The following PARD3B variants were observed in gnomAD, a reference collection of about 807,000 sequenced individuals.
PARD3B encodes par-3 family cell polarity regulator beta.
Under a neutral mutation model 130.2 loss-of-function variants are expected in PARD3B, and 103 were observed. The observed-to-expected ratio is 0.79, with a 90% confidence interval of 0.67 to 0.93. The LOEUF is 0.93. Among genes scored for constraint, PARD3B ranks in the 40% least tolerant of loss-of-function variants. The pLI is 0.00. For missense variants in PARD3B, 1,609 were observed against 1,499.2 expected (o/e 1.07, Z -1.21); for synonymous variants, 583 against 553.2 (o/e 1.05, Z -0.76).
At chr2:204,720,276 G>A (rs1417447173) in intron 2 of PARD3B, among the ~76,000 whole-genome samples, 7 of 152,188 alleles carry the variant, frequency 4.6e-5, no homozygotes, top group African/African-American at 9.6e-5. Context: ...CTGTTGCCAC[G>A]TGAGAATCCT....
intron 20 of PARD3B, among the ~76,000 whole-genome samples, chr2:205,462,195 G>A (rs754047865): frequency 2.0e-5 from 3 of 152,116 alleles, no homozygotes; most frequent in Non-Finnish European, 4.4e-5. Flanking sequence ...CATTCTCTTG[G>A]AATACAGCCC....
intron 20 of PARD3B, among the ~76,000 whole-genome samples, 156 bp from the exon 21 acceptor site, chr2:205,499,740 A>G (rs141083976): frequency 6.6e-6 from 1 of 152,264 alleles, no homozygotes; most frequent in East Asian, 1.9e-4. Context: ...CTTTTTGTTC[A>G]TATTTATGAC....
rs1448734769 is a variant in PARD3B at position 205,113,392 on chromosome 2, GGGT to G, written c.594-97_594-95del. ...TATTAGTTGATATAATCCTGAGCAGGGGTGTGTGTGTGTGTGTGTGTGTGTGTG... is the reference window on the plus strand; with the variant it reads ...TATTAGTTGATATAATCCTGAGCAGGGTGTGTGTGTGTGTGTGTGTGTGTG... On this transcript the variant is annotated intron_variant, in intron 5 of 22. Transcript: ENST00000406610. 265 of 546,254 alleles carry G rather than the reference GGGT, an allele frequency of 4.9e-4. 4 individuals are homozygous for G. The highest frequency in any genetic ancestry group is 3.0e-3 in the East Asian group (92 of 30,778). 33.8% of individuals were successfully genotyped at this position (546,254 alleles called of 1,614,324 possible). A position where few individuals can be genotyped will look rare whatever the true frequency, so the allele number is the denominator to read the frequency against.
At chr2:204,622,187 T>C (rs1483981945) in intron 1 of PARD3B, among the ~76,000 whole-genome samples, 1 of 152,220 alleles carries the variant, frequency 6.6e-6, no homozygotes, top group Non-Finnish European at 1.5e-5. Context: ...CTCATTGTGC[T>C]GTCTTTCCAG....
Position 204,828,245 on chromosome 2 carries a change from G to T in PARD3B, c.223-136907G>T, listed in dbSNP as rs574698268. Among the ~76,000 whole-genome samples the T allele has an allele frequency of 9.2e-5, 14 of 152,162 alleles. No homozygotes were observed. In the East Asian group the frequency reaches 2.7e-3, roughly 29 times the overall value. On this transcript the variant is annotated intron_variant, in intron 2 of 22. Transcript: ENST00000406610. ...CTTTCTTGAAATTTCCTCTTCTCTT[G>T]AATTCTGCCATATTTCATTTTCTTC...
chr2:204,926,148 G>A (rs1687600399), intron 2 of PARD3B, among the ~76,000 whole-genome samples: 1 of 152,044 alleles, frequency 6.6e-6, no homozygotes, highest in South Asian at 2.1e-4. Context: ...GGCTTTGGTA[G>A]TGAGCACTAG....
intron 18 of PARD3B, among the ~76,000 whole-genome samples, chr2:205,329,214 A>C (rs1209789500): frequency 6.6e-6 from 1 of 152,134 alleles, no homozygotes; most frequent in Non-Finnish European, 1.5e-5. Flanking sequence ...TTATATCACT[A>C]GTTATTTTTC....
chr2:204,997,408 C>G (rs894870521), intron 3 of PARD3B, among the ~76,000 whole-genome samples: 3 of 152,200 alleles, frequency 2.0e-5, no homozygotes, highest in South Asian at 2.1e-4. Flanking sequence ...TTATTTACAA[C>G]TTCTTTATTG....
intron 15 of PARD3B, among the ~76,000 whole-genome samples, chr2:205,204,315 ATTTG>A (rs1367879680): frequency 3.3e-5 from 5 of 152,056 alleles, no homozygotes; most frequent in African/African-American, 1.2e-4. Context: ...TTACTTGTAA[ATTTG>A]TTTAAGTTCC....
chr2:205,129,184 T>G (rs1251357092), intron 10 of PARD3B, among the ~76,000 whole-genome samples: 2 of 152,226 alleles, frequency 1.3e-5, no homozygotes, highest in African/African-American at 4.8e-5. Context: ...TTTGTCACCA[T>G]AGCAAAGCAA....
chr2:204,794,538 C>T (rs2042304530), intron 2 of PARD3B, among the ~76,000 whole-genome samples: 2 of 152,052 alleles, frequency 1.3e-5, no homozygotes, highest in Non-Finnish European at 2.9e-5. Flanking sequence ...TTCCAGCCTA[C>T]CAATGTGGTG....
chr2:205,113,520 G>A lies in PARD3B; in HGVS notation c.623G>A (p.Gly208Glu), dbSNP rs749035427. Residue 208 changes from glycine (G) to glutamate (E), a missense_variant, in exon 6 of 23, where the codon GGG (glycine) becomes GAG (glutamate). By Grantham distance (98) the Gly-to-Glu change is moderately conservative. Coordinates refer to ENST00000406610, the MANE Select transcript of PARD3B (RefSeq NM_001302769.2). ...SDMTRTVEIS[G>E]EGGPLGIHVV... The stretch of plus-strand genomic sequence containing the variant: ...ATGACAAGAACAGTGGAGATTTCTG[G>A]GGAAGGAGGCCCATTGGGAATACAT... 6.2e-7 allele frequency: 1 copy of A among 1,613,106 alleles called. No homozygotes were observed. Among genetic ancestry groups the A allele is most frequent in the South Asian group, 1.1e-5 (1 of 91,006 alleles).
intron 2 of PARD3B, among the ~76,000 whole-genome samples, chr2:204,880,713 T>C (rs115618754): frequency 0.012 from 1,832 of 147,164 alleles, 34 homozygotes; most frequent in African/African-American, 0.043. Context: ...CCCTGTTATC[T>C]CCAAGAAGTA....
chr2:204,959,032 C>T (rs1306573578), intron 2 of PARD3B, among the ~76,000 whole-genome samples: 1 of 152,096 alleles, frequency 6.6e-6, no homozygotes, highest in African/African-American at 2.4e-5. Flanking sequence ...CTTAGGTATA[C>T]ATGTGCCATG....
intron 1 of PARD3B, among the ~76,000 whole-genome samples, chr2:204,622,786 G>C (rs1559190804): frequency 1.3e-5 from 2 of 152,120 alleles, no homozygotes; most frequent in Middle Eastern, 3.4e-3. Context: ...ACCACTCTAG[G>C]CTTCATCCTT....
intron 22 of PARD3B, among the ~76,000 whole-genome samples, chr2:205,610,186 C>T (rs556003757): frequency 6.6e-6 from 1 of 152,148 alleles, no homozygotes; most frequent in Non-Finnish European, 1.5e-5. Context: ...TCCATCACGT[C>T]TGTTCTCAGG....
intron 1 of PARD3B, among the ~76,000 whole-genome samples, chr2:204,618,298 C>T (rs369329102): frequency 2.6e-5 from 4 of 152,096 alleles, no homozygotes; most frequent in African/African-American, 9.7e-5. Flanking sequence ...AGGGCACAGA[C>T]CCTTGGATCA....
intron 22 of PARD3B, among the ~76,000 whole-genome samples, chr2:205,556,544 A>C (rs1177346545): frequency 6.6e-6 from 1 of 152,212 alleles, no homozygotes; most frequent in Non-Finnish European, 1.5e-5. Context: ...GGTAGTTATG[A>C]GGTTGCCTAA....
intron 15 of PARD3B, among the ~76,000 whole-genome samples, chr2:205,216,822 T>C (rs1921779): frequency 0.8 from 120,937 of 152,086 alleles, 48,682 homozygotes; most frequent in East Asian, 0.95. Context: ...AAACTGTTGT[T>C]GTAAGCAGGA....
Sources: allele counts gnomAD v4.1 joint callset (sites outside exome capture counted in the v4.1 genomes callset), GRCh38; gene constraint gnomAD v4.1.1; transcripts MANE v1.5; gene names NCBI Gene and HGNC (gene_info 2026-07-23, HGNC 2026-07-21).